TRAPPC9: variants seen among roughly 807,000 people sequenced by gnomAD.
The protein encoded by TRAPPC9 is trafficking protein particle complex subunit 9, also known as IKK2 binding protein.
In TRAPPC9, 83 loss-of-function variants were observed where a neutral mutation model predicts 124.0. The observed-to-expected ratio is 0.67, with a 90% CI of 0.56 to 0.80. The LOEUF is 0.80. Ranked by LOEUF, TRAPPC9 falls within the 30% of genes least tolerant of loss-of-function variation. TRAPPC9 has a pLI of 0.00. For missense variants in TRAPPC9, 1,302 were observed against 1,508.3 expected, an observed-to-expected ratio of 0.86 and a Z score of 2.27; for synonymous variants, 638 against 617.5, an observed-to-expected ratio of 1.03 and a Z score of -0.49.
At chr8:140,060,110 GC>G (rs1842509350) in intron 17 of TRAPPC9, among the ~76,000 whole-genome samples, 1 of 152,164 alleles carries the variant, frequency 6.6e-6, no homozygotes, top group Non-Finnish European at 1.5e-5. Flanking sequence ...CTTTTGATTG[GC>G]AGTTGCGTTA....
At chr8:140,302,313 C>A (rs775264066) in intron 10 of TRAPPC9, among the ~76,000 whole-genome samples, 1 of 152,242 alleles carries the variant, frequency 6.6e-6, no homozygotes, top group Non-Finnish European at 1.5e-5. Context: ...CAGCTCCCTT[C>A]GCTCTGTGTG....
chr8:140,453,984 C>G (rs1425468186), intron 1 of TRAPPC9, among the ~76,000 whole-genome samples: 2 of 152,180 alleles, frequency 1.3e-5, no homozygotes, highest in Admixed American at 1.3e-4. Context: ...TAACAAAGGG[C>G]CTTATTTTAG....
At chr8:140,106,624 A>G (rs2060671441) in intron 17 of TRAPPC9, among the ~76,000 whole-genome samples, 1 of 152,162 alleles carries the variant, frequency 6.6e-6, no homozygotes, top group Admixed American at 6.5e-5. Context: ...GGACAGGGAA[A>G]CACAAGCTTT....
intron 20 of TRAPPC9, among the ~76,000 whole-genome samples, chr8:139,900,202 G>A (rs1830934812): frequency 6.6e-6 from 1 of 152,226 alleles, no homozygotes; most frequent in Non-Finnish European, 1.5e-5. Context: ...GAGCCCGTGT[G>A]CGTGTGTGCC....
chr8:140,400,666 G>A (rs1225358024), intron 6 of TRAPPC9, among the ~76,000 whole-genome samples: 1 of 152,168 alleles, frequency 6.6e-6, no homozygotes, highest in Non-Finnish European at 1.5e-5. Flanking sequence ...AAACTGGGGA[G>A]TATCTCTTAA....
chr8:140,113,601 C>T (rs922003925), intron 17 of TRAPPC9, among the ~76,000 whole-genome samples: 4 of 152,282 alleles, frequency 2.6e-5, no homozygotes, highest in South Asian at 2.1e-4. Context: ...AGGGAGGAGA[C>T]GCCAGGCAGA....
At chr8:139,996,775 T>C (rs914089765) in intron 18 of TRAPPC9, among the ~76,000 whole-genome samples, 3 of 152,244 alleles carry the variant, frequency 2.0e-5, no homozygotes, top group South Asian at 2.1e-4. Context: ...AGTCTCGCTC[T>C]GTCACCCAGG....
chr8:139,976,008 C>T (rs1836432203), intron 19 of TRAPPC9, among the ~76,000 whole-genome samples: 1 of 145,696 alleles, frequency 6.9e-6, no homozygotes, highest in Non-Finnish European at 1.5e-5. Flanking sequence ...TCTCCTGCCT[C>T]AGCCTCCCCA....
At chr8:140,337,193 C>T (rs2067066427) in intron 9 of TRAPPC9, among the ~76,000 whole-genome samples, 1 of 152,164 alleles carries the variant, frequency 6.6e-6, no homozygotes, top group Non-Finnish European at 1.5e-5. Context: ...TTACTGCCTC[C>T]TCCTCGTAAT....
intron 21 of TRAPPC9, among the ~76,000 whole-genome samples, chr8:139,820,533 T>C (rs1825183556): frequency 6.6e-6 from 1 of 152,262 alleles, no homozygotes; most frequent in Admixed American, 6.5e-5. Context: ...ATACACATTT[T>C]TATGTATTTC....
intron 17 of TRAPPC9, among the ~76,000 whole-genome samples, chr8:140,041,629 G>A (rs896764214): frequency 2.6e-5 from 4 of 152,230 alleles, no homozygotes; most frequent in African/African-American, 9.6e-5. Context: ...TCGCCCTCAT[G>A]GCGGTCACAC....
intron 21 of TRAPPC9, among the ~76,000 whole-genome samples, chr8:139,779,732 A>G (rs1187256750): frequency 6.6e-6 from 1 of 152,180 alleles, no homozygotes. Context: ...GAGATCAACT[A>G]TCTTTGTTCA....
intron 16 of TRAPPC9, among the ~76,000 whole-genome samples, chr8:140,245,466 T>G (rs1186403160): frequency 5.0e-5 from 3 of 60,482 alleles, no homozygotes; most frequent in Admixed American, 1.3e-4. Context: ...TGTTTTGTGG[T>G]GTGTGTGTGT....
chr8:140,454,201 A>T (rs149926364), intron 1 of TRAPPC9, among the ~76,000 whole-genome samples: 3 of 152,278 alleles, frequency 2.0e-5, no homozygotes, highest in Non-Finnish European at 4.4e-5. Context: ...AGGCAGGAGA[A>T]TTGCTTGAAC....
intron 17 of TRAPPC9, among the ~76,000 whole-genome samples, chr8:140,050,190 C>A (rs1485668021): frequency 6.6e-6 from 1 of 152,218 alleles, no homozygotes; most frequent in Admixed American, 6.5e-5. Context: ...CTGGGCAGCT[C>A]AGGCGTAAAG....
rs538580168 is a variant in TRAPPC9, at chr8:140,375,135, C to T, written c.1135-3955G>A. On this transcript the variant is annotated intron_variant, in intron 7 of 22. Coordinates refer to ENST00000438773, the MANE Select transcript of TRAPPC9 (RefSeq NM_001160372.4). Reference sequence around the variant, plus strand: ...CTATGGCACAAGGAGCCGGGGAGTACAAAATGGTCCCTGGCAAAGCTAGGC... The same window carrying T: ...CTATGGCACAAGGAGCCGGGGAGTATAAAATGGTCCCTGGCAAAGCTAGGC... Among the ~76,000 whole-genome samples the T allele has an allele frequency of 6.6e-5, 10 of 152,276 alleles. No individual in the cohort carries two copies. In the South Asian group the frequency reaches 2.1e-3, roughly 32 times the overall value.
chr8:139,965,948 C>A (rs552179782), intron 19 of TRAPPC9, among the ~76,000 whole-genome samples: 1 of 152,354 alleles, frequency 6.6e-6, no homozygotes, highest in Non-Finnish European at 1.5e-5. Context: ...GCCACAAGGC[C>A]TTCCGGCACA....
intron 17 of TRAPPC9, among the ~76,000 whole-genome samples, chr8:140,067,490 C>T (rs1483564888): frequency 6.6e-6 from 1 of 152,162 alleles, no homozygotes; most frequent in East Asian, 1.9e-4. Flanking sequence ...GGCAATAGAC[C>T]ACCTGTTCTG....
At chr8:139,906,027 GAGATTGCAGTGAGCCAAGATTGT>G (rs1831338373) in intron 20 of TRAPPC9, among the ~76,000 whole-genome samples, 1 of 152,080 alleles carries the variant, frequency 6.6e-6, no homozygotes, top group Non-Finnish European at 1.5e-5. Context: ...CCGGGAGGCG[GAGATTGCAGTGAGCCAAGATTGT>G]GGCCACTGTA....
Sources: allele counts gnomAD v4.1 joint callset (sites outside exome capture counted in the v4.1 genomes callset), GRCh38; gene constraint gnomAD v4.1.1; transcripts MANE v1.5; gene names NCBI Gene and HGNC (gene_info 2026-07-23, HGNC 2026-07-21).